ITGA1: variants seen among roughly 807,000 people sequenced by gnomAD.
ITGA1 encodes the protein integrin subunit alpha 1, also known as integrin alpha-1.
In ITGA1, 85 loss-of-function variants were observed where a neutral mutation model predicts 145.9. The ratio of observed to expected loss-of-function variants is 0.58; its 90% confidence interval spans 0.49 to 0.70. The LOEUF is 0.70. ITGA1 is among the 30% of genes least tolerant of loss of function. The pLI, the probability that ITGA1 is intolerant of heterozygous loss-of-function variation, is 0.00. For synonymous variants in ITGA1, 520 were observed against 495.3 expected, an observed-to-expected ratio of 1.05 and a Z score of -0.66; for missense variants, 1,351 against 1,418.7, an observed-to-expected ratio of 0.95 and a Z score of 0.77.
chr5:52,920,505 A>G, intron 17 of ITGA1, 37 bp downstream of exon 17: 2 of 1,519,558 alleles, frequency 1.3e-6, no homozygotes, highest in Non-Finnish European at 1.8e-6. Flanking sequence ...CTTATTCCAA[A>G]TCAAGAATAC....
chr5:52,933,926 C>G lies in ITGA1; in HGVS notation c.2894C>G (p.Ala965Gly). The G allele has an allele frequency of 6.5e-7, 1 of 1,530,160 alleles. No individual in the cohort carries two copies. The highest frequency in any genetic ancestry group is 8.8e-7 in the Non-Finnish European group (1 of 1,133,438). The allele number at this position is 1,530,160 out of a possible 1,614,324, so 94.8% of individuals were successfully genotyped here. ...SASEYHISIA[A>G]NETVPEVINS... ...AGTGAATACCACATTTCAATTGCTG[C>G]CAATGAGACAGTCCCTGAAGTTATT... Residue 965 changes from alanine to glycine, a missense_variant, in exon 23 of 29, where the codon GCC (alanine) becomes GGC (glycine). Transcript: ENST00000282588.
At chr5:52,801,714 G>A (rs151084647) in intron 1 of ITGA1, 6 of 1,614,008 alleles carry the variant, frequency 3.7e-6, no homozygotes, top group Non-Finnish European at 5.1e-6. Context: ...GCACCGTTAG[G>A]ATATTCTCTA....
chr5:52,832,480 C>T (rs557858700), intron 1 of ITGA1, among the ~76,000 whole-genome samples: 1 of 152,126 alleles, frequency 6.6e-6, no homozygotes, highest in African/African-American at 2.4e-5. Flanking sequence ...TAAATAATAG[C>T]TGAGGTCTCA....
chr5:52,849,211 G>A (rs972393158), intron 1 of ITGA1, among the ~76,000 whole-genome samples, 154 bp from the exon 2 acceptor site: 6 of 152,178 alleles, frequency 3.9e-5, no homozygotes, highest in Non-Finnish European at 7.4e-5. Context: ...ATACAGTTAA[G>A]AGTGGAGACC....
chr5:52,838,564 A>G (rs1471730856), intron 1 of ITGA1, among the ~76,000 whole-genome samples: 1 of 152,174 alleles, frequency 6.6e-6, no homozygotes, highest in Non-Finnish European at 1.5e-5. Context: ...GAATCCGTAT[A>G]TTTTGCCTCC....
Position 52,953,465 on chromosome 5 carries a change from A to AT in ITGA1, c.*1020dup. 1 of 152,158 alleles carries AT rather than the reference A, an allele frequency of 6.6e-6. No homozygotes were observed. Among genetic ancestry groups the AT allele is most frequent in the African/African-American group, 2.4e-5 (1 of 41,440 alleles). 9.4% of individuals were successfully genotyped at this position (152,158 alleles called of 1,614,324 possible). A position where few individuals can be genotyped will look rare whatever the true frequency, so the allele number is the denominator to read the frequency against. On this transcript the variant is annotated 3_prime_UTR_variant, in exon 29 of 29. Coordinates refer to ENST00000282588, the MANE Select transcript of ITGA1 (RefSeq NM_181501.2). ...AGCTGTGAGAGTGTGTTTATTTTTA[A>AT]TTTTTTAAAAGGTATTTAATTTCCA...
chr5:52,808,947 T>C (rs1209021429), intron 1 of ITGA1, among the ~76,000 whole-genome samples: 1 of 152,102 alleles, frequency 6.6e-6, no homozygotes, highest in Non-Finnish European at 1.5e-5. Flanking sequence ...CACCTATTCA[T>C]ATTGAGTCAT....
chr5:52,816,209 T>C (rs1748764946), intron 1 of ITGA1, among the ~76,000 whole-genome samples: 1 of 152,206 alleles, frequency 6.6e-6, no homozygotes, highest in South Asian at 2.1e-4. Context: ...AATTTAAACT[T>C]AATCTTTTTG....
intron 26 of ITGA1, among the ~76,000 whole-genome samples, chr5:52,941,277 G>A (rs982672607): frequency 3.9e-5 from 6 of 152,178 alleles, no homozygotes; most frequent in Middle Eastern, 3.4e-3. Flanking sequence ...AGTTTCTTTC[G>A]GGTATATACA....
At chr5:52,861,869 CAAAA>C (rs11335171) in intron 3 of ITGA1, among the ~76,000 whole-genome samples, 25 of 119,328 alleles carry the variant, frequency 2.1e-4, no homozygotes, top group East Asian at 2.5e-4. Flanking sequence ...GACCCTGTCT[CAAAA>C]AAAAAAAAAA....
intron 1 of ITGA1, among the ~76,000 whole-genome samples, chr5:52,799,486 A>C (rs1044959582): frequency 2.0e-5 from 3 of 152,196 alleles, no homozygotes; most frequent in African/African-American, 7.2e-5. Flanking sequence ...ACATCAGGTC[A>C]AGCAACTGAG....
intron 2 of ITGA1, among the ~76,000 whole-genome samples, chr5:52,852,107 C>T (rs891415496): frequency 6.6e-6 from 1 of 152,032 alleles, no homozygotes; most frequent in Non-Finnish European, 1.5e-5. Flanking sequence ...AATGTCACTC[C>T]AAGCTTGGGA....
At chr5:52,834,583 AAGAGAG>A (rs1215796430) in intron 1 of ITGA1, among the ~76,000 whole-genome samples, 1 of 109,492 alleles carries the variant, frequency 9.1e-6, no homozygotes, top group South Asian at 2.5e-4. Context: ...GAAAGAAAGA[AAGAGAG>A]AGAGAGAAGA....
intron 2 of ITGA1, among the ~76,000 whole-genome samples, chr5:52,850,859 C>A (rs182038950): frequency 6.6e-6 from 1 of 152,136 alleles, no homozygotes; most frequent in Non-Finnish European, 1.5e-5. Flanking sequence ...GAGTACAGCC[C>A]TCCCTCTAGA....
At chr5:52,871,428 A>G (rs1056887477) in intron 6 of ITGA1, among the ~76,000 whole-genome samples, 1 of 152,170 alleles carries the variant, frequency 6.6e-6, no homozygotes, top group African/African-American at 2.4e-5. Context: ...TTATATTCTA[A>G]TTACACCTCC....
At chr5:52,922,373 C>T (rs1354504411) in intron 17 of ITGA1, among the ~76,000 whole-genome samples, 1 of 152,114 alleles carries the variant, frequency 6.6e-6, no homozygotes, top group Admixed American at 6.5e-5. Context: ...TGAAATGTAA[C>T]TCATTTTATA....
chr5:52,827,089 CT>C (rs201041439), intron 1 of ITGA1, among the ~76,000 whole-genome samples: 28,371 of 134,588 alleles, frequency 0.21, 2,827 homozygotes, highest in Middle Eastern at 0.3. Flanking sequence ...CCATTAAGAA[CT>C]TTTTTTTTTT....
intron 1 of ITGA1, among the ~76,000 whole-genome samples, chr5:52,836,577 G>T (rs10053233): frequency 6.6e-6 from 1 of 151,984 alleles, no homozygotes; most frequent in Non-Finnish European, 1.5e-5. Flanking sequence ...CCAGATTTCC[G>T]CCACTTGGTT....
chr5:52,836,704 T>A (rs913292737), intron 1 of ITGA1, among the ~76,000 whole-genome samples: 1 of 152,190 alleles, frequency 6.6e-6, no homozygotes, highest in Non-Finnish European at 1.5e-5. Flanking sequence ...GTATTAAGAT[T>A]TTAGAGCATG....
Sources: allele counts gnomAD v4.1 joint callset (sites outside exome capture counted in the v4.1 genomes callset), GRCh38; gene constraint gnomAD v4.1.1; transcripts MANE v1.5; gene names NCBI Gene and HGNC (gene_info 2026-07-23, HGNC 2026-07-21).